The following ZNF90 variants were observed in gnomAD, a reference collection of about 807,000 sequenced individuals.
ZNF90 encodes the protein zinc finger protein HTF9.
A neutral mutation model predicts 12.0 loss-of-function variants in ZNF90; 11 were observed. That is an observed-to-expected ratio of 0.92 (90% CI 0.58 to 1.52). The LOEUF (loss-of-function observed/expected upper bound fraction) is 1.52, where lower values mean the gene tolerates loss of function less well. Among genes scored for constraint, ZNF90 ranks in the 40% most tolerant of loss-of-function variants. The pLI is 0.00. For missense variants in ZNF90, 765 were observed against 711.5 expected, an observed-to-expected ratio of 1.08 and a Z score of -0.86; for synonymous variants, 232 against 240.1, an observed-to-expected ratio of 0.97 and a Z score of 0.31.
rs899434132 is a variant in ZNF90, at chr19:20,120,590, A to G, written c.*1230A>G. On this transcript the variant is annotated 3_prime_UTR_variant, in exon 4 of 4. Coordinates refer to ENST00000418063, the MANE Select transcript of ZNF90 (RefSeq NM_007138.2). ...AAAATATATGTTTGCAGAAACAGTA[A>G]ATATAAAAAATATTTAATTCAAAAT... is the stretch of plus-strand genomic sequence containing the variant. Among the ~76,000 whole-genome samples the G allele has an allele frequency of 1.2e-4, 19 of 152,212 alleles. No individual in the cohort carries two copies. The highest frequency in any genetic ancestry group is 4.6e-4 in the African/African-American group (19 of 41,468).
At chr19:20,102,223 G>A (rs1390577551) in intron 1 of ZNF90, among the ~76,000 whole-genome samples, 2 of 152,122 alleles carry the variant, frequency 1.3e-5, no homozygotes, top group Non-Finnish European at 2.9e-5. Flanking sequence ...CGATCTTAAT[G>A]TCTCCTTGCT....
At chr19:20,095,908 G>A (rs995346387) in intron 1 of ZNF90, among the ~76,000 whole-genome samples, 1 of 152,214 alleles carries the variant, frequency 6.6e-6, no homozygotes, top group African/African-American at 2.4e-5. Flanking sequence ...ACCAAGGCAG[G>A]TGTCCCTGTG....
intron 3 of ZNF90, among the ~76,000 whole-genome samples, chr19:20,117,397 C>CTTTTCTCCT (rs1294206352): frequency 1.5e-4 from 14 of 91,312 alleles, no homozygotes; most frequent in African/African-American, 9.2e-4. Context: ...CTTTTCTTTT[C>CTTTTCTCCT]TCCTTCCTTC....
chr19:20,100,815 A>G (rs117169763), intron 1 of ZNF90, among the ~76,000 whole-genome samples: 2 of 152,292 alleles, frequency 1.3e-5, no homozygotes, highest in Non-Finnish European at 2.9e-5. Context: ...CATCTGACAA[A>G]TCAGGTAGTA....
intron 3 of ZNF90, among the ~76,000 whole-genome samples, chr19:20,112,162 A>T (rs1446758097): frequency 6.6e-6 from 1 of 151,016 alleles, no homozygotes; most frequent in African/African-American, 2.4e-5. Context: ...CAGTCGATTT[A>T]TTCAGATTCA....
In ZNF90 at chr19:20,078,231, C is replaced by CT. The variant is rs1033518022; in HGVS notation, c.3+97dup. On this transcript the variant is annotated intron_variant, in intron 1 of 3. Transcript: ENST00000418063. ...GGGACTTAGGCCTCCCCGCAGTCAG[C>CT]TCCACAATCTGCGACCGACTTCTCC... 51 of 1,506,604 alleles carry CT rather than the reference C, an allele frequency of 3.4e-5. No homozygotes were observed. The African/African-American group carries it at 6.3e-4, about 19-fold the overall frequency. 93.3% of individuals were successfully genotyped at this position (1,506,604 alleles called of 1,614,324 possible).
intron 3 of ZNF90, among the ~76,000 whole-genome samples, chr19:20,113,542 T>C (rs1307077686): frequency 6.6e-6 from 1 of 151,746 alleles, no homozygotes; most frequent in Non-Finnish European, 1.5e-5. Context: ...AAAACTCTCC[T>C]AATCTTGCCG....
chr19:20,101,258 G>A (rs1555703856), intron 1 of ZNF90, among the ~76,000 whole-genome samples: 1 of 152,168 alleles, frequency 6.6e-6, no homozygotes, highest in African/African-American at 2.4e-5. Flanking sequence ...CTAGTCGCTG[G>A]GTTCCACGGT....
At chr19:20,079,210 T>G in intron 1 of ZNF90, among the ~76,000 whole-genome samples, 1 of 152,144 alleles carries the variant, frequency 6.6e-6, no homozygotes, top group East Asian at 1.9e-4. Flanking sequence ...TTCCAACACT[T>G]AGTTTCAAAA....
At chr19:20,112,271 C>T (rs1338270220) in intron 3 of ZNF90, among the ~76,000 whole-genome samples, 2 of 149,478 alleles carry the variant, frequency 1.3e-5, no homozygotes, top group African/African-American at 2.5e-5. Flanking sequence ...TTACTCTTGC[C>T]CAGGATGAAG....
At chr19:20,102,191 C>T (rs1555703960) in intron 1 of ZNF90, among the ~76,000 whole-genome samples, 2 of 152,158 alleles carry the variant, frequency 1.3e-5, no homozygotes, top group South Asian at 4.1e-4. Context: ...TCTTTGTTCT[C>T]TATTTTAAAG....
chr19:20,101,064 G>T (rs1326616792), intron 1 of ZNF90, among the ~76,000 whole-genome samples: 1 of 152,018 alleles, frequency 6.6e-6, no homozygotes, highest in African/African-American at 2.4e-5. Flanking sequence ...CTCCAGCTGA[G>T]CTTTCACTTG....
intron 1 of ZNF90, among the ~76,000 whole-genome samples, chr19:20,096,124 G>A (rs1210780811): frequency 8.6e-5 from 13 of 151,484 alleles, no homozygotes; most frequent in Middle Eastern, 3.2e-3. Context: ...GCCAAGATTG[G>A]AAGGAGAAAG....
At position 20,117,046 on chromosome 19, in the gene ZNF90, TGAGA is replaced by T. The variant is rs376810203; in HGVS notation, c.227-720_227-717del. 7.7e-4 allele frequency among the ~76,000 whole-genome samples: 108 copies of T among 140,980 alleles called. 1 individual carries two copies. Among genetic ancestry groups the T allele is most frequent in the South Asian group, 2.0e-3 (9 of 4,478 alleles). 92.5% of individuals were successfully genotyped at this position (140,980 alleles called of 152,430 possible). ...GTGTGTGTGTGTGTGTGTGTGTGTG[TGAGA>T]GAGAGAGAGAGAGACAGAATGTCAT... On this transcript the variant is annotated intron_variant, in intron 3 of 3. Coordinates refer to ENST00000418063, the MANE Select transcript of ZNF90 (RefSeq NM_007138.2).
chr19:20,095,034 G>C (rs2088932027), intron 1 of ZNF90, among the ~76,000 whole-genome samples: 1 of 152,014 alleles, frequency 6.6e-6, no homozygotes, highest in Non-Finnish European at 1.5e-5. Context: ...TTGGGACTTA[G>C]CTCGGCCTGG....
intron 3 of ZNF90, among the ~76,000 whole-genome samples, chr19:20,110,309 T>C (rs781812646): frequency 1.2e-4 from 18 of 152,104 alleles, no homozygotes; most frequent in African/African-American, 3.1e-4. Context: ...GATGGAGTCT[T>C]GCTCTGTTGC....
chr19:20,117,378 CTTTCT>C (rs148304116), intron 3 of ZNF90, among the ~76,000 whole-genome samples: 5 of 136,790 alleles, frequency 3.7e-5, no homozygotes, highest in African/African-American at 5.9e-5. Flanking sequence ...CTTTTTTTTC[CTTTCT>C]TTTCTTTTCT....
chr19:20,080,338 C>T, intron 1 of ZNF90: 2 of 487,836 alleles, frequency 4.1e-6, no homozygotes, highest in Non-Finnish European at 8.1e-6. Context: ...ACACTCTGAG[C>T]CACAGGAGAA....
In ZNF90 at chr19:20,081,766, C is replaced by CTT. The variant is rs1188295118; in HGVS notation, c.3+3632_3+3633dup. On this transcript the variant is annotated intron_variant, in intron 1 of 3. Transcript: ENST00000418063. ...ATTTGTTTTTTTTCTTTCTTTCTTT[C>CTT]TTCTTTTTTTTTTTTTGAGATGGCG... Among the ~76,000 whole-genome samples, 539 of 144,218 alleles carry CTT rather than the reference C, an allele frequency of 3.7e-3. 5 individuals are homozygous for CTT. Among genetic ancestry groups the CTT allele is most frequent in the African/African-American group, 0.015 (513 of 35,232 alleles). 94.6% of individuals were successfully genotyped at this position (144,218 alleles called of 152,430 possible).
Sources: allele counts gnomAD v4.1 joint callset (sites outside exome capture counted in the v4.1 genomes callset), GRCh38; gene constraint gnomAD v4.1.1; transcripts MANE v1.5; gene names NCBI Gene and HGNC (gene_info 2026-07-23, HGNC 2026-07-21).